RERE: variants seen among roughly 807,000 people sequenced by gnomAD.
RERE encodes the protein arginine-glutamic acid dipeptide repeats protein.
In RERE, 40 loss-of-function variants were observed where a neutral mutation model predicts 146.1. The ratio of observed to expected loss-of-function variants is 0.27; its 90% CI spans 0.21 to 0.36. The LOEUF (loss-of-function observed/expected upper bound fraction) is 0.36, where lower values mean the gene tolerates loss of function less well. RERE is among the 10% of genes least tolerant of loss of function. The pLI, the probability that RERE is intolerant of heterozygous loss-of-function variation, is 1.00. For synonymous variants in RERE, 1,003 were observed against 866.0 expected, an observed-to-expected ratio of 1.16 and a Z score of -2.78; for missense variants, 1,933 against 2,138.7, an observed-to-expected ratio of 0.90 and a Z score of 1.90.
At chr1:8,455,084 G>T (rs1326470683) in intron 11 of RERE, among the ~76,000 whole-genome samples, 1 of 152,100 alleles carries the variant, frequency 6.6e-6, no homozygotes, top group Non-Finnish European at 1.5e-5. Flanking sequence ...CTTCCCCAGA[G>T]AGCTCAGGTG....
rs762248462 is a variant in RERE at position 8,364,873 on chromosome 1, G to A, written c.1448-35C>T. 1 of 836,264 alleles carries A rather than the reference G, an allele frequency of 1.2e-6. No homozygotes were observed. Among genetic ancestry groups the A allele is most frequent in the South Asian group, 1.5e-5 (1 of 66,896 alleles). 51.8% of individuals were successfully genotyped at this position (836,264 alleles called of 1,614,324 possible). On this transcript the variant is annotated intron_variant, in intron 13 of 22. Coordinates refer to ENST00000400908, the MANE Select transcript of RERE (RefSeq NM_001042681.2). This position sits in a 1 kb window ranked among gnomAD's most constrained non-coding sequence, Gnocchi z 5.1. ...GCAGGCACATAGTGGGGGTGGGGGA[G>A]ACACCATCATGCTCAGCCAAGGCTG...
intron 6 of RERE, among the ~76,000 whole-genome samples, 175 bp from the exon 7 acceptor site, chr1:8,541,493 C>T (rs1010062653): frequency 3.3e-5 from 5 of 152,106 alleles, no homozygotes; most frequent in African/African-American, 1.2e-4. Context: ...TCACTGTACA[C>T]CTGTGTAATC....
chr1:8,400,356 A>C (rs1210876133), intron 12 of RERE, among the ~76,000 whole-genome samples: 1 of 151,838 alleles, frequency 6.6e-6, no homozygotes, highest in African/African-American at 2.4e-5. Flanking sequence ...GGGCTCAAGC[A>C]ATCCTCCCAC....
chr1:8,381,934 G>C (rs1342838512), intron 12 of RERE, among the ~76,000 whole-genome samples: 2 of 152,190 alleles, frequency 1.3e-5, no homozygotes, highest in Non-Finnish European at 2.9e-5. Flanking sequence ...ATGACACTTT[G>C]GCACTAAAAG....
intron 1 of RERE, among the ~76,000 whole-genome samples, chr1:8,794,082 T>C (rs1171715155): frequency 6.7e-6 from 1 of 149,612 alleles, no homozygotes; most frequent in Non-Finnish European, 1.5e-5. Context: ...AAAAAAATTT[T>C]TTTTTTTTGA....
intron 3 of RERE, 75 bp from the exon 4 acceptor site, chr1:8,614,761 A>G (rs1646831873): frequency 1.3e-6 from 2 of 1,496,418 alleles, no homozygotes; most frequent in African/African-American, 2.8e-5. Flanking sequence ...CACGCAGCAC[A>G]CAAGTCGGTA....
At chr1:8,373,212 G>C (rs1235207982) in intron 12 of RERE, among the ~76,000 whole-genome samples, 3 of 151,944 alleles carry the variant, frequency 2.0e-5, no homozygotes, top group Non-Finnish European at 4.4e-5. Context: ...TGTTCCTATG[G>C]CTAAACAAAT....
rs1641937549 is a variant in RERE at position 8,817,421 on chromosome 1, T to C, written c.-406A>G. On this transcript the variant is annotated 5_prime_UTR_variant, in exon 1 of 23. Transcript: ENST00000400908. ...AGGAGCCCAGGATCATGTCTGGTTT[T>C]GTTTTCCGAGGGCGAGGGGGCTCCC... 6.6e-6 allele frequency: 1 copy of C among 151,424 alleles called. No homozygotes were observed. Among genetic ancestry groups the C allele is most frequent in the South Asian group, 2.1e-4 (1 of 4,800 alleles). 9.4% of individuals were successfully genotyped at this position (151,424 alleles called of 1,614,324 possible). A position where few individuals can be genotyped will look rare whatever the true frequency, so the allele number is the denominator to read the frequency against.
intron 19 of RERE, among the ~76,000 whole-genome samples, chr1:8,359,424 C>T (rs114245038): frequency 8.7e-4 from 133 of 152,338 alleles, no homozygotes; most frequent in African/African-American, 3.1e-3. Flanking sequence ...TCTCTCAAGG[C>T]GCCCCCTTGT....
At chr1:8,615,782 A>G (rs1454439717) in intron 3 of RERE, among the ~76,000 whole-genome samples, 2 of 152,148 alleles carry the variant, frequency 1.3e-5, no homozygotes, top group African/African-American at 4.8e-5. Context: ...CTCCCTACAC[A>G]TAGACACACA....
At chr1:8,484,130 C>A (rs112580421) in intron 10 of RERE, among the ~76,000 whole-genome samples, 3 of 152,160 alleles carry the variant, frequency 2.0e-5, no homozygotes, top group Non-Finnish European at 4.4e-5. Context: ...AATGATGGGG[C>A]TTTTCTGCAG....
intron 10 of RERE, among the ~76,000 whole-genome samples, chr1:8,471,956 C>G (rs1185188779): frequency 6.6e-6 from 1 of 152,150 alleles, no homozygotes; most frequent in African/African-American, 2.4e-5. Context: ...GGACTACAGG[C>G]GCACGTCACC....
At chr1:8,636,787 G>A (rs983897048) in intron 2 of RERE, among the ~76,000 whole-genome samples, 1 of 152,026 alleles carries the variant, frequency 6.6e-6, no homozygotes, top group African/African-American at 2.4e-5. Context: ...GTAGTCTGAA[G>A]GCAAATGTGT....
At chr1:8,578,459 T>A (rs1486596459) in intron 4 of RERE, among the ~76,000 whole-genome samples, 1 of 152,196 alleles carries the variant, frequency 6.6e-6, no homozygotes, top group Non-Finnish European at 1.5e-5. Context: ...ATGCTGATAA[T>A]TAAATTCCAT....
intron 1 of RERE, among the ~76,000 whole-genome samples, chr1:8,742,333 T>C (rs1210046514): frequency 6.6e-6 from 1 of 152,192 alleles, no homozygotes; most frequent in Non-Finnish European, 1.5e-5. Flanking sequence ...AATATCTCTC[T>C]GGCTAACTCC....
intron 12 of RERE, among the ~76,000 whole-genome samples, chr1:8,406,711 T>C (rs1227720257): frequency 1.3e-5 from 2 of 152,228 alleles, no homozygotes; most frequent in African/African-American, 4.8e-5. Flanking sequence ...AATTTGTGTG[T>C]ATCTGTATGT....
At chr1:8,641,610 G>GT (rs1211022804) in intron 2 of RERE, among the ~76,000 whole-genome samples, 1 of 152,154 alleles carries the variant, frequency 6.6e-6, no homozygotes, top group Non-Finnish European at 1.5e-5. Flanking sequence ...TTGCCCCACT[G>GT]TTTCTCTCCA....
At chr1:8,647,341 T>C (rs895657551) in intron 2 of RERE, among the ~76,000 whole-genome samples, 1 of 152,176 alleles carries the variant, frequency 6.6e-6, no homozygotes, top group Non-Finnish European at 1.5e-5. Flanking sequence ...GGAACAAACC[T>C]GCTGGTGAAC....
chr1:8,525,547 T>C (rs1045775189), intron 7 of RERE, among the ~76,000 whole-genome samples: 1 of 152,196 alleles, frequency 6.6e-6, no homozygotes, highest in African/African-American at 2.4e-5. Context: ...AAGCTTCACA[T>C]TCTATATCTG....
Sources: allele counts gnomAD v4.1 joint callset (sites outside exome capture counted in the v4.1 genomes callset), GRCh38; gene constraint gnomAD v4.1.1; non-coding constraint Gnocchi (gnomAD v3.1); transcripts MANE v1.5; gene names NCBI Gene and HGNC (gene_info 2026-07-23, HGNC 2026-07-21).